The following OTOA variants were observed in gnomAD, a reference collection of about 807,000 sequenced individuals.
OTOA encodes cancer/testis antigen 108.
A neutral mutation model predicts 110.8 loss-of-function variants in OTOA; 70 were observed. The ratio of observed to expected loss-of-function variants is 0.63; its 90% CI spans 0.52 to 0.77. OTOA has a LOEUF of 0.77. OTOA is among the 30% of genes least tolerant of loss of function. OTOA has a pLI of 0.00. For missense variants in OTOA, 917 were observed against 1,075.8 expected (o/e 0.85, Z 2.06); for synonymous variants, 373 against 431.5 (o/e 0.86, Z 1.68).
intron 1 of OTOA, among the ~76,000 whole-genome samples, chr16:21,676,896 C>T (rs1966859137): frequency 6.6e-6 from 1 of 152,192 alleles, no homozygotes; most frequent in African/African-American, 2.4e-5. Context: ...CTTCCTTGCT[C>T]AGGGATCTCA....
At chr16:21,726,758 T>C in intron 19 of OTOA, 100 bp downstream of exon 19, 1 of 1,505,138 alleles carries the variant, frequency 6.6e-7, no homozygotes, top group Non-Finnish European at 9.2e-7. Flanking sequence ...CCTGCTGTGA[T>C]GGCCAGAAGT....
intron 1 of OTOA, among the ~76,000 whole-genome samples, chr16:21,672,734 C>A (rs573301965): frequency 6.6e-6 from 1 of 152,056 alleles, no homozygotes. Context: ...AGCATGTCTA[C>A]CATCTCAAAC....
At chr16:21,747,843 GT>G (rs1405503839) in intron 24 of OTOA, 1 of 152,032 alleles carries the variant, frequency 6.6e-6, no homozygotes, top group Admixed American at 6.6e-5. Flanking sequence ...GTGCCTGATA[GT>G]TGAGGAGCCC....
In OTOA at chr16:21,672,351, G is replaced by A. The variant is rs377045367; in HGVS notation, c.-4-6160G>A. Among the ~76,000 whole-genome samples the A allele has an allele frequency of 6.6e-5, 10 of 151,932 alleles. No homozygotes were observed. The South Asian group carries it at 1.2e-3, about 19-fold the overall frequency. Reference sequence around the variant, plus strand: ...AAAAATTGACATATACGCCGGGCACGGTGGCTCACGCCAGCAATCCCAGCA... The same window carrying A: ...AAAAATTGACATATACGCCGGGCACAGTGGCTCACGCCAGCAATCCCAGCA... On this transcript the variant is annotated intron_variant, in intron 1 of 28. Coordinates refer to ENST00000646100, the MANE Select transcript of OTOA (RefSeq NM_144672.4).
chr16:21,697,730 T>C (rs1308609561), intron 9 of OTOA, 45 bp from the exon 10 acceptor site: 1 of 1,553,124 alleles, frequency 6.4e-7, no homozygotes. Context: ...GTAAAGGCTT[T>C]TATTTATGTA....
chr16:21,673,127 G>A (rs568464768), intron 1 of OTOA, among the ~76,000 whole-genome samples: 1 of 152,252 alleles, frequency 6.6e-6, no homozygotes, highest in South Asian at 2.1e-4. Context: ...CAGGCTGGGT[G>A]ACAGAGAAAG....
At chr16:21,703,361 A>G (rs1898090510) in intron 11 of OTOA, among the ~76,000 whole-genome samples, 1 of 152,174 alleles carries the variant, frequency 6.6e-6, no homozygotes. Context: ...AATATAAATG[A>G]GGTCATACAG....
At chr16:21,686,052 T>C (rs1185101389) in intron 7 of OTOA, among the ~76,000 whole-genome samples, 1 of 151,998 alleles carries the variant, frequency 6.6e-6, no homozygotes. Flanking sequence ...ACAAAATGAG[T>C]TTAGTGATCC....
At chr16:21,759,004 A>G (rs1220369132) in intron 28 of OTOA, among the ~76,000 whole-genome samples, 1 of 151,744 alleles carries the variant, frequency 6.6e-6, no homozygotes, top group Non-Finnish European at 1.5e-5. Context: ...TCCATCACAA[A>G]CAAACAAACA....
In OTOA at chr16:21,700,877, C is replaced by T. The variant is rs1290794601; in HGVS notation, c.841-11C>T. The T allele has an allele frequency of 1.9e-6, 3 of 1,613,998 alleles. No individual in the cohort carries two copies. Among genetic ancestry groups the T allele is most frequent in the Non-Finnish European group, 2.5e-6 (3 of 1,180,016 alleles). On this transcript the variant is annotated splice_polypyrimidine_tract_variant and intron_variant, in intron 10 of 28. Transcript: ENST00000646100. ...TCCTCACTGATATTCTCGTCCTTGT[C>T]CACCAACTAGATTGGGCTGTTTATC...
chr16:21,695,885 ATATATATTT>A lies in OTOA; in HGVS notation c.740-1888_740-1880del, dbSNP rs1273015372. Among the ~76,000 whole-genome samples, 16 of 50,496 alleles carry A rather than the reference ATATATATTT, an allele frequency of 3.2e-4. No homozygotes were observed. The East Asian group carries it at 5.5e-3, about 17-fold the overall frequency. 33.1% of individuals were successfully genotyped at this position (50,496 alleles called of 152,430 possible). ...ACTTGAGATATATATATATATATAT[ATATATATTT>A]TTTTTTTTTTTTTTTTCTGAGATGG... On this transcript the variant is annotated intron_variant, in intron 9 of 28. Coordinates refer to ENST00000646100, the MANE Select transcript of OTOA (RefSeq NM_144672.4).
Position 21,726,555 on chromosome 16 carries a change from A to C in OTOA, c.1913A>C (p.Gln638Pro). The C allele has an allele frequency of 6.2e-7, 1 of 1,613,952 alleles. No homozygotes were observed. The highest frequency in any genetic ancestry group is 8.5e-7 in the Non-Finnish European group (1 of 1,179,996). ...TACCTGGCTTCTGTCCCAGCCTCCC[A>C]GTGTGTGCCCTTTCTGATCAGCCTG... ...ARYLASVPAS[Q>P]CVPFLISLGK... The change falls in exon 19 of 29, where the codon CAG becomes CCG. Residue 638 changes from glutamine to proline, a missense_variant. Physicochemically the swap from Gln to Pro is moderately conservative, Grantham distance 76. Transcript: ENST00000646100.
In OTOA at chr16:21,726,658, G is replaced by A. The variant is rs777484487; in HGVS notation, c.2016G>A (p.Leu672=). 3.1e-6 allele frequency: 5 copies of A among 1,613,918 alleles called. No homozygotes were observed. In the African/African-American group the frequency reaches 6.7e-5, roughly 22 times the overall value. ...TCCTCAGGAAAGTGCAGCAGTGCCT[G>A]GTAAGAAAACTCTTCCTGGGTGTCC... ...TSVLRKVQQC[L]DDSIADEYTV... is the part of the protein sequence containing the mutation. The change falls in exon 19 of 29, where the codon CTG becomes CTA. Residue 672 remains leucine, a splice_region_variant and synonymous_variant. Coordinates refer to ENST00000646100, the MANE Select transcript of OTOA (RefSeq NM_144672.4).
intron 11 of OTOA, 141 bp from the exon 12 acceptor site, chr16:21,705,028 G>A (rs1404277216): frequency 7.4e-7 from 1 of 1,355,862 alleles, no homozygotes; most frequent in Non-Finnish European, 1.1e-6. Context: ...GTTCATCTGA[G>A]GATGTTCAGG....
intron 14 of OTOA, 41 bp from the exon 15 acceptor site, chr16:21,716,866 A>G (rs1415959508): frequency 6.2e-7 from 1 of 1,612,378 alleles, no homozygotes; most frequent in African/African-American, 1.3e-5. Context: ...AGCTCAATGC[A>G]TTTTTTACAA....
chr16:21,713,323 A>C (rs1299391724), intron 13 of OTOA, among the ~76,000 whole-genome samples: 1 of 152,156 alleles, frequency 6.6e-6, no homozygotes, highest in East Asian at 1.9e-4. Context: ...TCTGAGCCAG[A>C]TATATTCCAA....
intron 13 of OTOA, among the ~76,000 whole-genome samples, chr16:21,713,715 T>A (rs1442632909): frequency 6.6e-6 from 1 of 152,136 alleles, no homozygotes; most frequent in Non-Finnish European, 1.5e-5. Flanking sequence ...GTGCTCACTG[T>A]CTCCATTATG....
intron 21 of OTOA, among the ~76,000 whole-genome samples, chr16:21,731,223 T>G (rs1899105967): frequency 6.6e-6 from 1 of 152,232 alleles, no homozygotes; most frequent in Admixed American, 6.5e-5. Context: ...CACGCACGTC[T>G]GTTCTGGCTC....
At chr16:21,691,786 CT>C in intron 9 of OTOA, 99 bp downstream of exon 9, 1 of 1,135,232 alleles carries the variant, frequency 8.8e-7, no homozygotes, top group South Asian at 1.3e-5. Flanking sequence ...TTGTTCTCTT[CT>C]GATTTTTACC....
Sources: allele counts gnomAD v4.1 joint callset (sites outside exome capture counted in the v4.1 genomes callset), GRCh38; gene constraint gnomAD v4.1.1; transcripts MANE v1.5; gene names NCBI Gene and HGNC (gene_info 2026-07-23, HGNC 2026-07-21).